The following KCNT1 variants were observed in gnomAD, a reference collection of about 807,000 sequenced individuals.
KCNT1 encodes the protein potassium channel subfamily T member 1.
A neutral mutation model predicts 147.8 loss-of-function variants in KCNT1; 78 were observed. That is an observed-to-expected ratio of 0.53 (90% CI 0.44 to 0.64). KCNT1 has a LOEUF of 0.64. Ranked by LOEUF, KCNT1 falls within the 30% of genes least tolerant of loss-of-function variation. The probability of loss-of-function intolerance (pLI) is 0.00; values close to 1 mark genes in which losing one functional copy is unlikely to be tolerated. For synonymous variants in KCNT1, 867 were observed against 748.8 expected (o/e 1.16, Z -2.58); for missense variants, 1,419 against 1,750.3 (o/e 0.81, Z 3.38).
rs759317415 is a variant in KCNT1, at chr9:135,758,431, C to T, written c.777C>T (p.Ala259=). The change falls in exon 10 of 31, where the codon GCC becomes GCT. Residue 259 remains alanine (A), a synonymous_variant. Coordinates refer to ENST00000371757, the MANE Select transcript of KCNT1 (RefSeq NM_020822.3). ...TTCCACAGAATGACTTCCACCGTGC[C>T]ATCCTGCGGACACAGTCAGCCATGT... ...LENMINDFHR[A]ILRTQSAMFN... is the part of the protein sequence containing the mutation. 8.7e-6 allele frequency: 14 copies of T among 1,613,218 alleles called. No homozygotes were observed. In the Admixed American group the frequency reaches 1.3e-4, roughly 15 times the overall value.
At chr9:135,742,783 A>G in intron 2 of KCNT1, 1 of 716,994 alleles carries the variant, frequency 1.4e-6, no homozygotes. Context: ...CTTCCTGTAG[A>G]AGATTTCAGC....
chr9:135,782,152 C>T (rs1588393609), intron 24 of KCNT1, among the ~76,000 whole-genome samples: 1 of 152,114 alleles, frequency 6.6e-6, no homozygotes, highest in Admixed American at 6.5e-5. Flanking sequence ...TGCAGTGAGC[C>T]GAGATTGTGC....
intron 1 of KCNT1, among the ~76,000 whole-genome samples, chr9:135,711,548 C>T (rs1320812860): frequency 6.6e-6 from 1 of 152,264 alleles, no homozygotes; most frequent in Admixed American, 6.5e-5. Flanking sequence ...TGGCGTGCAG[C>T]TGGCTCTCAG....
intron 2 of KCNT1, among the ~76,000 whole-genome samples, chr9:135,715,174 G>C (rs1282779684): frequency 6.6e-6 from 1 of 152,200 alleles, no homozygotes; most frequent in Non-Finnish European, 1.5e-5. Context: ...CTTCAGGTTC[G>C]TGACCTGGTC....
chr9:135,751,038 G>C lies in KCNT1; in HGVS notation c.431G>C (p.Gly144Ala). ...VLLDDPALGIGCWGCPKQNYS... is the reference protein window; with the variant it reads ...VLLDDPALGIACWGCPKQNYS... ...CTCGATGACCCGGCCCTGGGCATCG[G>C]ATGGTGGGCCACGTGCGCGGCCGGG... The change falls in exon 4 of 31, where the codon GGA becomes GCA. Residue 144 changes from glycine (G) to alanine (A), a missense_variant. By Grantham distance (60) the Gly-to-Ala change is moderately conservative. Around this residue, in one of 5 missense-constraint regions of KCNT1, gnomAD observed 401 missense variants for 610.6 expected, o/e 0.66. Transcript: ENST00000371757. The C allele has an allele frequency of 6.2e-7, 1 of 1,610,500 alleles. No individual in the cohort carries two copies. The highest frequency in any genetic ancestry group is 8.5e-7 in the Non-Finnish European group (1 of 1,179,662).
At chr9:135,740,776 T>G (rs191066961) in intron 2 of KCNT1, among the ~76,000 whole-genome samples, 32 of 152,302 alleles carry the variant, frequency 2.1e-4, no homozygotes, top group Non-Finnish European at 3.8e-4. Context: ...ACAGCTAAGT[T>G]AGGGCTGGCA....
chr9:135,740,529 G>T (rs1453158018), intron 2 of KCNT1, among the ~76,000 whole-genome samples: 1 of 152,224 alleles, frequency 6.6e-6, no homozygotes, highest in East Asian at 1.9e-4. Context: ...AAGTGGGGAT[G>T]GCCCCTCCTC....
chr9:135,702,464 C>CGGCAGTGGAGGG, intron 1 of KCNT1, 96 bp downstream of exon 1: 2 of 1,037,652 alleles, frequency 1.9e-6, no homozygotes, highest in Non-Finnish European at 3.0e-6. Flanking sequence ...CAGGACCCGC[C>CGGCAGTGGAGGG]ATTCCCAGGG....
chr9:135,712,801 G>A (rs1310160094), intron 1 of KCNT1, among the ~76,000 whole-genome samples: 2 of 152,200 alleles, frequency 1.3e-5, no homozygotes, highest in African/African-American at 2.4e-5. Context: ...TCTGTGGGGG[G>A]AACAAGGCAG....
chr9:135,770,509 C>A (rs1564370605), intron 17 of KCNT1, 62 bp downstream of exon 17: 36 of 1,541,734 alleles, frequency 2.3e-5, no homozygotes, highest in Non-Finnish European at 2.5e-5. Flanking sequence ...GTGCCCTCCC[C>A]ACCCTCCCGG....
In KCNT1 at chr9:135,732,024, A is replaced by AGAGAGAGAGAGAGAGAGGGAGAGG. The variant is rs1554766182; in HGVS notation, c.254+17325_254+17326insAGGGAGAGAGAGAGAGAGAGGGAG. Among the ~76,000 whole-genome samples the AGAGAGAGAGAGAGAGAGGGAGAGG allele has an allele frequency of 2.5e-4, 16 of 65,118 alleles. 2 individuals carry two copies. Among genetic ancestry groups the AGAGAGAGAGAGAGAGAGGGAGAGG allele is most frequent in the Admixed American group, 4.8e-4 (3 of 6,226 alleles). The allele number at this position is 65,118 out of a possible 152,430, so 42.7% of individuals were successfully genotyped here. A position where few individuals can be genotyped will look rare whatever the true frequency, so the allele number is the denominator to read the frequency against. On this transcript the variant is annotated intron_variant, in intron 2 of 30. Coordinates refer to ENST00000371757, the MANE Select transcript of KCNT1 (RefSeq NM_020822.3). ...GAGAGAGAGAGAGAGAGAGAGAGAG[A>AGAGAGAGAGAGAGAGAGGGAGAGG]GAGAGAGAGAGAGAGAGGGAGTCTC...
intron 25 of KCNT1, 70 bp from the exon 26 acceptor site, chr9:135,784,465 C>T: frequency 2.7e-6 from 3 of 1,129,336 alleles, no homozygotes; most frequent in Non-Finnish European, 3.8e-6. Context: ...ACGCCCGTGC[C>T]CGCGTGCCTC....
intron 2 of KCNT1, among the ~76,000 whole-genome samples, chr9:135,725,352 C>A (rs1255620813): frequency 6.6e-6 from 1 of 152,204 alleles, no homozygotes; most frequent in Non-Finnish European, 1.5e-5. Context: ...CAAGGTGAGG[C>A]CATTCTGGAC....
At chr9:135,790,926 G>C (rs1379728648) in intron 29 of KCNT1, 1 of 152,354 alleles carries the variant, frequency 6.6e-6, no homozygotes, top group Non-Finnish European at 1.5e-5. Flanking sequence ...TGCTTGGCAG[G>C]GCTACCCTGC....
intron 29 of KCNT1, chr9:135,789,607 G>C (rs186282864): frequency 6.6e-6 from 1 of 152,292 alleles, no homozygotes; most frequent in East Asian, 1.9e-4. Context: ...CTGGCCTGGC[G>C]TGGGGGATTC....
intron 11 of KCNT1, among the ~76,000 whole-genome samples, chr9:135,760,481 G>T (rs1831842872): frequency 6.6e-6 from 1 of 152,214 alleles, no homozygotes; most frequent in African/African-American, 2.4e-5. Flanking sequence ...CCCTGTGGGT[G>T]GTGGAACATT....
intron 11 of KCNT1, among the ~76,000 whole-genome samples, chr9:135,763,715 C>T (rs1024973634): frequency 3.9e-5 from 6 of 152,296 alleles, no homozygotes; most frequent in Admixed American, 1.3e-4. Context: ...CCAGGGTGAC[C>T]TTATCTTAAA....
At chr9:135,771,897 A>G (rs1832785831) in intron 18 of KCNT1, among the ~76,000 whole-genome samples, 3 of 152,278 alleles carry the variant, frequency 2.0e-5, no homozygotes, top group East Asian at 1.9e-4. Context: ...GCAGAGGCTG[A>G]CCCTATGGGG....
rs1179747142 is a variant in KCNT1 at position 135,784,525 on chromosome 9, C to G, written c.2944-10C>G. 9.9e-7 allele frequency: 1 copy of G among 1,011,430 alleles called. No homozygotes were observed. Among genetic ancestry groups the G allele is most frequent in the Middle Eastern group, 3.5e-4 (1 of 2,896 alleles). 62.7% of individuals were successfully genotyped at this position (1,011,430 alleles called of 1,614,324 possible). On this transcript the variant is annotated splice_polypyrimidine_tract_variant and intron_variant, in intron 25 of 30. Transcript: ENST00000371757. Reference sequence around the variant, plus strand: ...TCCCTCCCTCCCTCCCTCCCTCCCTCCCTGGCCAGTCCTTCGTGAAGGACT... The same window carrying G: ...TCCCTCCCTCCCTCCCTCCCTCCCTGCCTGGCCAGTCCTTCGTGAAGGACT...
Sources: allele counts gnomAD v4.1 joint callset (sites outside exome capture counted in the v4.1 genomes callset), GRCh38; gene constraint gnomAD v4.1.1; regional missense constraint gnomAD v4.1.1; transcripts MANE v1.5; gene names NCBI Gene and HGNC (gene_info 2026-07-23, HGNC 2026-07-21).